MLLT10: variants seen among roughly 807,000 people sequenced by gnomAD.
The protein encoded by MLLT10 is MLLT10 histone lysine methyltransferase DOT1L cofactor.
In MLLT10, 30 loss-of-function variants were observed where a neutral mutation model predicts 129.1. That is an observed-to-expected ratio of 0.23 (90% confidence interval 0.17 to 0.32). MLLT10 has a LOEUF of 0.32. MLLT10 is among the 10% of genes least tolerant of loss of function. The probability of loss-of-function intolerance (pLI) is 1.00; values close to 1 mark genes in which losing one functional copy is unlikely to be tolerated. For synonymous variants in MLLT10, 490 were observed against 446.4 expected, an observed-to-expected ratio of 1.10 and a Z score of -1.23; for missense variants, 1,119 against 1,268.3, an observed-to-expected ratio of 0.88 and a Z score of 1.79.
chr10:21,563,800 T>C (rs2039170602), intron 3 of MLLT10, among the ~76,000 whole-genome samples: 1 of 148,078 alleles, frequency 6.8e-6, no homozygotes, highest in Admixed American at 6.8e-5. Flanking sequence ...TGTATTATTA[T>C]TATTATTATT....
intron 13 of MLLT10, among the ~76,000 whole-genome samples, chr10:21,698,152 A>C (rs1301940912): frequency 1.3e-5 from 2 of 152,162 alleles, no homozygotes; most frequent in African/African-American, 4.8e-5. Flanking sequence ...TCGAACATTA[A>C]AACTTACTTA....
intron 8 of MLLT10, chr10:21,625,797 T>G (rs1023034767): frequency 1.4e-4 from 104 of 768,076 alleles, no homozygotes; most frequent in Non-Finnish European, 2.4e-4. Context: ...GCAGCTTCCT[T>G]TCCACAGAAA....
At chr10:21,650,394 T>C (rs1193893781) in intron 8 of MLLT10, among the ~76,000 whole-genome samples, 1 of 152,170 alleles carries the variant, frequency 6.6e-6, no homozygotes. Context: ...TTACATTTAC[T>C]GTTGCTGAAG....
At position 21,549,641 on chromosome 10, in the gene MLLT10, C is replaced by G. The variant is rs1316801114; in HGVS notation, c.240+10729C>G. On this transcript the variant is annotated intron_variant, in intron 3 of 22. Transcript: ENST00000307729. ...GAGAGGGTAAGCTTCAAGTGTGGTC[C>G]TCTAACTGAGTTGTACTCTTTTTTT... Among the ~76,000 whole-genome samples, 3 of 149,890 alleles carry G rather than the reference C, an allele frequency of 2.0e-5. No individual in the cohort carries two copies. The South Asian group carries it at 6.3e-4, about 31-fold the overall frequency.
intron 8 of MLLT10, chr10:21,626,310 T>C: frequency 1.8e-6 from 2 of 1,135,450 alleles, no homozygotes; most frequent in Non-Finnish European, 2.7e-6. Context: ...GGCTGGTGGC[T>C]GGGCCCGTGA....
At chr10:21,649,912 T>C (rs2048855117) in intron 8 of MLLT10, among the ~76,000 whole-genome samples, 1 of 152,170 alleles carries the variant, frequency 6.6e-6, no homozygotes, top group Admixed American at 6.5e-5. Flanking sequence ...TTGCAGAGAA[T>C]ATGGCATGAT....
intron 9 of MLLT10, among the ~76,000 whole-genome samples, chr10:21,669,507 TA>T (rs1304795662): frequency 3.3e-5 from 5 of 152,134 alleles, no homozygotes; most frequent in Admixed American, 6.6e-5. Flanking sequence ...ATAGATACAA[TA>T]AAAAAGTATT....
intron 5 of MLLT10, among the ~76,000 whole-genome samples, chr10:21,610,618 CTT>C (rs76661876): frequency 7.2e-6 from 1 of 138,122 alleles, no homozygotes. Context: ...CACCCCCCTT[CTT>C]TTTTTTTTTT....
intron 11 of MLLT10, among the ~76,000 whole-genome samples, chr10:21,675,740 C>T (rs2052025612): frequency 1.3e-5 from 2 of 152,114 alleles, no homozygotes; most frequent in African/African-American, 4.8e-5. Context: ...CCTAGATTTG[C>T]TTTTGTGGGG....
chr10:21,561,840 T>C (rs1456929707), intron 3 of MLLT10, among the ~76,000 whole-genome samples: 2 of 151,740 alleles, frequency 1.3e-5, no homozygotes, highest in Non-Finnish European at 2.9e-5. Flanking sequence ...AGTTTCACTC[T>C]TGTTGCCCAG....
intron 8 of MLLT10, among the ~76,000 whole-genome samples, chr10:21,647,014 C>A (rs902358882): frequency 5.8e-4 from 88 of 152,240 alleles, no homozygotes; most frequent in African/African-American, 1.5e-3. Flanking sequence ...CGCCACCACG[C>A]CCGACTAATC....
intron 14 of MLLT10, among the ~76,000 whole-genome samples, chr10:21,720,011 C>T (rs570557799): frequency 6.6e-6 from 1 of 152,178 alleles, no homozygotes; most frequent in Admixed American, 6.5e-5. Context: ...TGCCTTTGTC[C>T]TACAGTAATT....
chr10:21,565,233 A>AT (rs201960153), intron 3 of MLLT10, among the ~76,000 whole-genome samples: 55 of 150,538 alleles, frequency 3.7e-4, no homozygotes, highest in Non-Finnish European at 6.1e-4. Flanking sequence ...TACCTTTTTA[A>AT]TTTTTTTTTG....
chr10:21,566,086 A>G (rs954272164), intron 3 of MLLT10, among the ~76,000 whole-genome samples: 1 of 149,416 alleles, frequency 6.7e-6, no homozygotes, highest in African/African-American at 2.5e-5. Flanking sequence ...CAGAGTAGCT[A>G]TTACAGGTGC....
At chr10:21,654,189 G>C (rs1203457699) in intron 9 of MLLT10, among the ~76,000 whole-genome samples, 2 of 152,176 alleles carry the variant, frequency 1.3e-5, no homozygotes, top group East Asian at 3.8e-4. Flanking sequence ...TAGAGAGAAT[G>C]GGGGAGAAAA....
intron 9 of MLLT10, among the ~76,000 whole-genome samples, chr10:21,658,612 C>T (rs2049850192): frequency 6.6e-6 from 1 of 151,912 alleles, no homozygotes; most frequent in African/African-American, 2.4e-5. Context: ...GCATGAATAC[C>T]AAGGAGTGGA....
chr10:21,624,793 C>T, intron 8 of MLLT10: 1 of 1,071,432 alleles, frequency 9.3e-7, no homozygotes, highest in Non-Finnish European at 1.4e-6. Context: ...TACATTGTCC[C>T]CTGATTGCCC....
intron 8 of MLLT10, chr10:21,625,660 A>C (rs943763823): frequency 5.2e-6 from 4 of 762,924 alleles, no homozygotes; most frequent in Non-Finnish European, 9.8e-6. Flanking sequence ...ATTCTTCCAG[A>C]GTGTTTTCTT....
intron 9 of MLLT10, among the ~76,000 whole-genome samples, chr10:21,656,327 C>T (rs114258790): frequency 0.015 from 2,207 of 152,166 alleles, 49 homozygotes; most frequent in African/African-American, 0.049. Context: ...ATTGATATAT[C>T]GTAGTTGTAC....
Sources: gnomAD v4.1 joint callset for allele counts (sites outside exome capture counted in the v4.1 genomes callset) on GRCh38, gnomAD v4.1.1 for gene constraint, MANE v1.5 for transcripts, NCBI Gene and HGNC (gene_info 2026-07-23, HGNC 2026-07-21) for gene names.